CSNK1G1: variants seen among roughly 807,000 people sequenced by gnomAD.
The protein encoded by CSNK1G1 is casein kinase I isoform gamma-1.
Under a neutral mutation model 59.6 loss-of-function variants are expected in CSNK1G1, and 22 were observed. That is an observed-to-expected ratio of 0.37 (90% CI 0.26 to 0.53). The LOEUF (loss-of-function observed/expected upper bound fraction) is 0.53, where lower values mean the gene tolerates loss of function less well. Among genes scored for constraint, CSNK1G1 ranks in the 20% least tolerant of loss-of-function variants. The pLI is 0.89. For missense variants in CSNK1G1, 384 were observed against 519.5 expected (o/e 0.74, Z 2.54); for synonymous variants, 179 against 177.1 (o/e 1.01, Z -0.08).
At chr15:64,248,973 A>C (rs1442049711) in intron 4 of CSNK1G1, among the ~76,000 whole-genome samples, 1 of 152,112 alleles carries the variant, frequency 6.6e-6, no homozygotes, top group Non-Finnish European at 1.5e-5. Flanking sequence ...ACAAAAAAAA[A>C]CTAGCTGGGC....
At chr15:64,237,338 CAG>C (rs963386457) in intron 4 of CSNK1G1, among the ~76,000 whole-genome samples, 3 of 152,124 alleles carry the variant, frequency 2.0e-5, no homozygotes, top group African/African-American at 7.2e-5. Flanking sequence ...ATACCTCTGG[CAG>C]AGAGACCTGA....
At chr15:64,201,070 G>A (rs1186699064) in intron 10 of CSNK1G1, among the ~76,000 whole-genome samples, 1 of 151,978 alleles carries the variant, frequency 6.6e-6, no homozygotes, top group East Asian at 1.9e-4. Flanking sequence ...TCAGGAGTTC[G>A]AGACCAGCCT....
chr15:64,201,169 G>C (rs907541788), intron 10 of CSNK1G1, among the ~76,000 whole-genome samples: 1 of 151,572 alleles, frequency 6.6e-6, no homozygotes. Context: ...CTACTTGGGA[G>C]GCTGAGACAG....
chr15:64,350,289 C>A lies in CSNK1G1; in HGVS notation c.-225+5699G>T, dbSNP rs947731756. On this transcript the variant is annotated intron_variant, in intron 1 of 11. Coordinates refer to ENST00000303052, the MANE Select transcript of CSNK1G1 (RefSeq NM_022048.5). ...CGGGCGGATCACAAGGTCAGGAGAT[C>A]GAGACCATCCTGGCTAACACGGTGA... Among the ~76,000 whole-genome samples, 43 of 152,004 alleles carry A rather than the reference C, an allele frequency of 2.8e-4. 1 individual carries two copies. The highest frequency in any genetic ancestry group is 6.8e-3 in the Middle Eastern group (2 of 294).
chr15:64,242,399 C>T (rs1012190472), intron 4 of CSNK1G1, among the ~76,000 whole-genome samples: 7 of 152,052 alleles, frequency 4.6e-5, no homozygotes, highest in Admixed American at 3.3e-4. Context: ...CCCCCACTTT[C>T]CCCCGACTCC....
chr15:64,338,846 C>T (rs1015527884), intron 1 of CSNK1G1, among the ~76,000 whole-genome samples: 8 of 151,720 alleles, frequency 5.3e-5, no homozygotes, highest in African/African-American at 1.9e-4. Flanking sequence ...GGTGAAACCC[C>T]GTCTCTACTA....
chr15:64,182,133 G>A (rs954366711), intron 10 of CSNK1G1, among the ~76,000 whole-genome samples: 1 of 136,144 alleles, frequency 7.3e-6, no homozygotes, highest in African/African-American at 2.8e-5. Flanking sequence ...GCATGATCTC[G>A]GCTCACTGCA....
At chr15:64,221,307 T>C (rs888497008) in intron 4 of CSNK1G1, among the ~76,000 whole-genome samples, 1 of 152,224 alleles carries the variant, frequency 6.6e-6, no homozygotes, top group South Asian at 2.1e-4. Context: ...GATCTTGTTC[T>C]TAATAATCCT....
intron 4 of CSNK1G1, among the ~76,000 whole-genome samples, chr15:64,250,241 A>G (rs1457331406): frequency 6.6e-6 from 1 of 152,172 alleles, no homozygotes; most frequent in Non-Finnish European, 1.5e-5. Flanking sequence ...CAATTAACAA[A>G]TATATACTGA....
At chr15:64,265,837 T>A in intron 2 of CSNK1G1, 1 of 456,490 alleles carries the variant, frequency 2.2e-6, no homozygotes, top group South Asian at 1.5e-5. Context: ...TGCCAGCACT[T>A]TAGCAGGAGG....
At chr15:64,290,099 T>C (rs534743464) in intron 2 of CSNK1G1, among the ~76,000 whole-genome samples, 1 of 152,120 alleles carries the variant, frequency 6.6e-6, no homozygotes, top group Non-Finnish European at 1.5e-5. Flanking sequence ...AGAACACTTA[T>C]ACACTGTTGG....
chr15:64,212,614 G>A lies in CSNK1G1; in HGVS notation c.679+1276C>T, dbSNP rs117929244. 2.2e-3 allele frequency among the ~76,000 whole-genome samples: 341 copies of A among 152,312 alleles called. 8 individuals are homozygous for A. In the East Asian group the frequency reaches 0.051, roughly 23 times the overall value. ...GCCTGTAACCCTAGCTACTGAGGCTGAGAAAGATCTCTCCAGCTCAGGTGA... is the reference window on the plus strand; with the variant it reads ...GCCTGTAACCCTAGCTACTGAGGCTAAGAAAGATCTCTCCAGCTCAGGTGA... On this transcript the variant is annotated intron_variant, in intron 6 of 11. Transcript: ENST00000303052.
intron 1 of CSNK1G1, among the ~76,000 whole-genome samples, chr15:64,347,234 T>TTGA (rs1371888710): frequency 6.6e-6 from 1 of 152,206 alleles, no homozygotes; most frequent in Non-Finnish European, 1.5e-5. Flanking sequence ...GGGAAACAGT[T>TTGA]TGACAATTTC....
At chr15:64,241,096 G>A (rs1271984147) in intron 4 of CSNK1G1, among the ~76,000 whole-genome samples, 1 of 152,038 alleles carries the variant, frequency 6.6e-6, no homozygotes, top group East Asian at 1.9e-4. Flanking sequence ...GATAAAAAAC[G>A]ATGACCCAAC....
intron 2 of CSNK1G1, among the ~76,000 whole-genome samples, chr15:64,287,780 C>T (rs1429570217): frequency 6.6e-6 from 1 of 152,116 alleles, no homozygotes; most frequent in African/African-American, 2.4e-5. Context: ...TACCAGAATA[C>T]ACAAAAGTAT....
chr15:64,258,550 C>A (rs1027164805), intron 3 of CSNK1G1, among the ~76,000 whole-genome samples: 3 of 152,046 alleles, frequency 2.0e-5, no homozygotes, highest in Non-Finnish European at 2.9e-5. Flanking sequence ...TTCAGTGAAA[C>A]TAGTCATACG....
intron 2 of CSNK1G1, among the ~76,000 whole-genome samples, chr15:64,277,916 A>C (rs1041747833): frequency 7.0e-6 from 1 of 143,472 alleles, no homozygotes; most frequent in Admixed American, 7.2e-5. Flanking sequence ...ATATTTAATA[A>C]TAATATTGAT....
At chr15:64,271,442 C>T (rs1893300348) in intron 2 of CSNK1G1, among the ~76,000 whole-genome samples, 1 of 151,848 alleles carries the variant, frequency 6.6e-6, no homozygotes, top group Admixed American at 6.6e-5. Context: ...GTGCACATCA[C>T]CACACCTATT....
chr15:64,314,116 C>A lies in CSNK1G1; in HGVS notation c.-224-13393G>T, dbSNP rs571548478. 2.6e-5 allele frequency among the ~76,000 whole-genome samples: 4 copies of A among 152,086 alleles called. No individual in the cohort carries two copies. The South Asian group carries it at 6.2e-4, about 24-fold the overall frequency. On this transcript the variant is annotated intron_variant, in intron 1 of 11. Transcript: ENST00000303052. ...TCAAAGAGGAAAGTTTTATTTTATTCATATTTAGAGATGTGTTCTTGCTAT... is the reference window on the plus strand; with the variant it reads ...TCAAAGAGGAAAGTTTTATTTTATTAATATTTAGAGATGTGTTCTTGCTAT...
Sources: gnomAD v4.1 joint callset for allele counts (sites outside exome capture counted in the v4.1 genomes callset) on GRCh38, gnomAD v4.1.1 for gene constraint, MANE v1.5 for transcripts, NCBI Gene and HGNC (gene_info 2026-07-23, HGNC 2026-07-21) for gene names.